Variants in LTBP2 observed in about 807,000 individuals in gnomAD.
The protein encoded by LTBP2 is latent transforming growth factor beta binding protein 2.
A neutral mutation model predicts 210.6 loss-of-function variants in LTBP2; 103 were observed. That is an observed-to-expected ratio of 0.49 (90% CI 0.42 to 0.58). The LOEUF (loss-of-function observed/expected upper bound fraction) is 0.58. Ranked by LOEUF, LTBP2 falls within the 20% of genes least tolerant of loss-of-function variation. The probability of loss-of-function intolerance (pLI) is 0.00; values close to 1 mark genes in which losing one functional copy is unlikely to be tolerated. For missense variants in LTBP2, 2,313 were observed against 2,494.5 expected (o/e 0.93, Z 1.55); for synonymous variants, 1,007 against 1,015.0 (o/e 0.99, Z 0.15).
intron 3 of LTBP2, among the ~76,000 whole-genome samples, chr14:74,568,611 G>C (rs913290110): frequency 6.6e-6 from 1 of 152,158 alleles, no homozygotes; most frequent in African/African-American, 2.4e-5. Context: ...GCCAGGCACT[G>C]TGCTAAGCAC....
intron 2 of LTBP2, among the ~76,000 whole-genome samples, chr14:74,591,053 T>C (rs2088276618): frequency 6.6e-6 from 1 of 152,202 alleles, no homozygotes; most frequent in African/African-American, 2.4e-5. Flanking sequence ...CCCCAAACCC[T>C]GTGAGCCAAG....
chr14:74,560,973 C>T (rs981763382), intron 3 of LTBP2, among the ~76,000 whole-genome samples: 9 of 151,936 alleles, frequency 5.9e-5, no homozygotes, highest in Non-Finnish European at 7.4e-5. Context: ...CTGTGGATAT[C>T]GAGGGATGAC....
At chr14:74,584,502 T>C (rs1338665234) in intron 3 of LTBP2, among the ~76,000 whole-genome samples, 1 of 152,134 alleles carries the variant, frequency 6.6e-6, no homozygotes, top group African/African-American at 2.4e-5. Context: ...ACACCAGGCT[T>C]ACCACCTAGG....
chr14:74,533,785 A>T (rs2087382577), intron 9 of LTBP2, among the ~76,000 whole-genome samples: 1 of 152,090 alleles, frequency 6.6e-6, no homozygotes, highest in Non-Finnish European at 1.5e-5. Context: ...CCTGCTGCAA[A>T]CTTCTCCCTG....
At chr14:74,604,812 G>C (rs1049858129) in intron 1 of LTBP2, among the ~76,000 whole-genome samples, 3 of 151,890 alleles carry the variant, frequency 2.0e-5, no homozygotes, top group Non-Finnish European at 4.4e-5. Context: ...CCTTGATGTT[G>C]GCTCTGAGGG....
rs143010135 is a variant in LTBP2, at chr14:74,500,948, C to T, written c.5402G>A (p.Arg1801His). Residue 1801 changes from arginine to histidine, a missense_variant, in exon 36 of 36, where the codon CGC (arginine) becomes CAC (histidine). Physicochemically the swap from Arg to His is conservative, Grantham distance 29. Around this residue, in one of 3 missense-constraint regions of LTBP2, gnomAD observed 443 missense variants for 501.4 expected, o/e 0.88. Coordinates refer to ENST00000261978, the MANE Select transcript of LTBP2 (RefSeq NM_000428.3). The stretch of plus-strand genomic sequence containing the variant: ...CACATATCCCGGGGAGCAGTGGCAG[C>T]GGTAGGAGCCCTCTGTGTTCTCGCA... ...GYCENTEGSY[R>H]CHCSPGYVAE... 4.9e-4 allele frequency: 790 copies of T among 1,614,122 alleles called. No homozygotes were observed. Among genetic ancestry groups the T allele is most frequent in the South Asian group, 3.5e-3 (318 of 91,078 alleles).
chr14:74,506,889 G>A (rs547249821), intron 26 of LTBP2, 66 bp from the exon 27 acceptor site: 49 of 1,282,500 alleles, frequency 3.8e-5, no homozygotes, highest in South Asian at 7.7e-5. Context: ...GCGCGCGCGC[G>A]TGTGTGCTCA....
At chr14:74,562,274 C>T (rs964743566) in intron 3 of LTBP2, among the ~76,000 whole-genome samples, 2 of 151,484 alleles carry the variant, frequency 1.3e-5, no homozygotes, top group South Asian at 4.2e-4. Flanking sequence ...AGGTGGGAAG[C>T]ACAGGCCATG....
At chr14:74,508,576 A>G in intron 24 of LTBP2, 28 bp downstream of exon 24, 2 of 1,596,738 alleles carry the variant, frequency 1.3e-6, no homozygotes, top group Non-Finnish European at 8.5e-7. Context: ...GCTCCTGGCC[A>G]GTAGAGGTAG....
intron 3 of LTBP2, among the ~76,000 whole-genome samples, chr14:74,569,480 G>A (rs757574169): frequency 1.3e-5 from 2 of 152,148 alleles, no homozygotes; most frequent in Non-Finnish European, 2.9e-5. Flanking sequence ...GTGTACAGAC[G>A]TGCTGCTGGA....
At chr14:74,571,723 A>G (rs577779173) in intron 3 of LTBP2, among the ~76,000 whole-genome samples, 1 of 152,246 alleles carries the variant, frequency 6.6e-6, no homozygotes, top group African/African-American at 2.4e-5. Flanking sequence ...GCAGATGCAG[A>G]CTCCCTCAAG....
intron 2 of LTBP2, among the ~76,000 whole-genome samples, chr14:74,595,503 G>A (rs1244499439): frequency 5.9e-5 from 9 of 152,236 alleles, no homozygotes; most frequent in Non-Finnish European, 1.3e-4. Context: ...CAGGCTGGGA[G>A]GGGTCCCTGG....
chr14:74,578,168 T>G (rs2088086609), intron 3 of LTBP2, among the ~76,000 whole-genome samples: 1 of 152,034 alleles, frequency 6.6e-6, no homozygotes, highest in African/African-American at 2.4e-5. Flanking sequence ...CTGCCTCAGT[T>G]TCCCCAGCTA....
chr14:74,521,878 G>T, intron 17 of LTBP2, 33 bp downstream of exon 17: 1 of 1,613,202 alleles, frequency 6.2e-7, no homozygotes. Context: ...AGACTGTGGG[G>T]CCTGGCCAAG....
Position 74,551,147 on chromosome 14 carries a change from C to T in LTBP2, c.1603G>A (p.Glu535Lys). 1 of 1,613,922 alleles carries T rather than the reference C, an allele frequency of 6.2e-7. No individual in the cohort carries two copies. Among genetic ancestry groups the T allele is most frequent in the Admixed American group, 1.7e-5 (1 of 60,028 alleles). Residue 535 changes from glutamate (E) to lysine (K), a missense_variant, in exon 7 of 36, where the codon GAG becomes AAG. Transcript: ENST00000261978. ...DSNNIPARSG[E>K]PPRPLPPAAP... ...GCTGGGGGCAGTGGCCGAGGGGGCT[C>T]TCCAGACCGAGCAGGGATGTTGTTG...
Position 74,505,077 on chromosome 14 carries a change from ACTGGAGCAGGGCGCATGGCCCTT to A in LTBP2, c.4252_4274del (p.Lys1418CysfsTer10). ...CCTGTGTGGTGTTCCGGCCCAGGAC[ACTGGAGCAGGGCGCATGGCCCTT>A]CTGCCCGGAGTAGCAGTCCATGCGG... is the stretch of plus-strand genomic sequence containing the variant. On this transcript the variant is annotated frameshift_variant, in exon 29 of 36. Coordinates refer to ENST00000261978, the MANE Select transcript of LTBP2 (RefSeq NM_000428.3). LOFTEE classifies it high-confidence loss of function. The A allele has an allele frequency of 6.2e-7, 1 of 1,614,148 alleles. No individual in the cohort carries two copies. Among genetic ancestry groups the A allele is most frequent in the Non-Finnish European group, 8.5e-7 (1 of 1,180,038 alleles).
intron 15 of LTBP2, among the ~76,000 whole-genome samples, chr14:74,524,034 TG>T (rs1211274748): frequency 6.6e-6 from 1 of 151,964 alleles, no homozygotes; most frequent in Non-Finnish European, 1.5e-5. Context: ...GGTTACAGAA[TG>T]GCAGAGGAGA....
rs3784023 is a variant in LTBP2, at chr14:74,579,237, G to T, written c.830+6617C>A. On this transcript the variant is annotated intron_variant, in intron 3 of 35. Coordinates refer to ENST00000261978, the MANE Select transcript of LTBP2 (RefSeq NM_000428.3). ...TCAACCAGGGGGTGCTGCCTTCCCC[G>T]CACCTTTGCCCCTAGGAAGGGATGC... Among the ~76,000 whole-genome samples the T allele has an allele frequency of 5.4e-3, 823 of 152,270 alleles. 16 individuals are homozygous for T. The highest frequency in any genetic ancestry group is 0.036 in the Admixed American group (551 of 15,296).
At chr14:74,536,188 T>C (rs1595260402) in intron 8 of LTBP2, among the ~76,000 whole-genome samples, 188 bp from the exon 9 acceptor site, 1 of 152,334 alleles carries the variant, frequency 6.6e-6, no homozygotes, top group Non-Finnish European at 1.5e-5. Context: ...CCACCTCGCT[T>C]TTATTAAAAG....
Sources: gnomAD v4.1 joint callset for allele counts (sites outside exome capture counted in the v4.1 genomes callset) on GRCh38, gnomAD v4.1.1 for gene constraint, gnomAD v4.1.1 regional missense constraint, MANE v1.5 for transcripts, NCBI Gene and HGNC (gene_info 2026-07-23, HGNC 2026-07-21) for gene names.